TNFSF4: variants seen among roughly 807,000 people sequenced by gnomAD.
TNFSF4 encodes the protein TNF superfamily member 4.
Under a neutral mutation model 7.3 loss-of-function variants are expected in TNFSF4, and 4 were observed. The ratio of observed to expected loss-of-function variants is 0.55; its 90% confidence interval spans 0.27 to 1.25. The LOEUF (loss-of-function observed/expected upper bound fraction) is 1.25, where lower values mean the gene tolerates loss of function less well. Among genes scored for constraint, TNFSF4 ranks in the 50% most tolerant of loss-of-function variants. The probability of loss-of-function intolerance (pLI) is 0.12; values close to 1 mark genes in which losing one functional copy is unlikely to be tolerated. For missense variants in TNFSF4, 181 were observed against 208.8 expected (o/e 0.87, Z 0.82); for synonymous variants, 76 against 83.7 (o/e 0.91, Z 0.50).
rs1244065868 is a variant in TNFSF4, at chr1:173,184,490, C to T, written c.*2026G>A. ...CGAGTGAGCACCTAAGAGAGGGGAC[C>T]ATGACATCAAAGACAAACAACACAC... On this transcript the variant is annotated 3_prime_UTR_variant, in exon 3 of 3. Transcript: ENST00000281834. 1 of 151,888 alleles carries T rather than the reference C, an allele frequency of 6.6e-6. No individual in the cohort carries two copies. Among genetic ancestry groups the T allele is most frequent in the Non-Finnish European group, 1.5e-5 (1 of 67,982 alleles). 9.4% of individuals were successfully genotyped at this position (151,888 alleles called of 1,614,324 possible).
At chr1:173,271,829 C>G in the TNFSF4 span, among the ~76,000 whole-genome samples, 1 of 152,082 alleles carries the variant, frequency 6.6e-6, no homozygotes, top group Non-Finnish European at 1.5e-5. Context: ...ACCAGTTGAC[C>G]CAGCCATCCC....
chr1:173,238,447 G>T, the TNFSF4 span, among the ~76,000 whole-genome samples: 1 of 151,970 alleles, frequency 6.6e-6, no homozygotes, highest in African/African-American at 2.4e-5. Context: ...CACAACAAAA[G>T]AAACTGTCAG....
chr1:173,388,404 G>A, the TNFSF4 span, among the ~76,000 whole-genome samples: 1 of 152,240 alleles, frequency 6.6e-6, no homozygotes, highest in East Asian at 1.9e-4. Context: ...AATTCAAACA[G>A]ATTTTATAGC....
chr1:173,254,173 T>G, the TNFSF4 span, among the ~76,000 whole-genome samples: 1 of 152,226 alleles, frequency 6.6e-6, no homozygotes, highest in Admixed American at 6.5e-5. Context: ...TTGTGCCTGA[T>G]AGAGATCTTT....
chr1:173,429,410 T>C, the TNFSF4 span, among the ~76,000 whole-genome samples: 1 of 152,100 alleles, frequency 6.6e-6, no homozygotes, highest in East Asian at 1.9e-4. Context: ...ATCTGTTAGG[T>C]GCTAAATAAG....
At chr1:173,443,805 C>A in the TNFSF4 span, among the ~76,000 whole-genome samples, 2 of 152,206 alleles carry the variant, frequency 1.3e-5, no homozygotes, top group Non-Finnish European at 2.9e-5. Context: ...GTTCCCAACA[C>A]AAGGCACTGT....
the TNFSF4 span, among the ~76,000 whole-genome samples, chr1:173,296,010 G>A: frequency 2.0e-5 from 3 of 151,984 alleles, no homozygotes; most frequent in Non-Finnish European, 2.9e-5. Context: ...TGAAATCTAT[G>A]CATAGTTTTT....
At chr1:173,283,526 CT>C in the TNFSF4 span, among the ~76,000 whole-genome samples, 1 of 152,140 alleles carries the variant, frequency 6.6e-6, no homozygotes, top group African/African-American at 2.4e-5. Flanking sequence ...TGGAAATCCT[CT>C]CTAGAGAAGA....
intron 1 of TNFSF4, among the ~76,000 whole-genome samples, chr1:173,201,488 G>T (rs1649941620): frequency 1.3e-5 from 2 of 152,164 alleles, no homozygotes; most frequent in Non-Finnish European, 2.9e-5. Flanking sequence ...ACGGAAGCAT[G>T]TTCATGGATA....
At chr1:173,195,766 C>T (rs1486464854) in intron 1 of TNFSF4, among the ~76,000 whole-genome samples, 2 of 152,322 alleles carry the variant, frequency 1.3e-5, no homozygotes, top group East Asian at 1.9e-4. Context: ...CTCACTATAC[C>T]GGCCTTGCCA....
At chr1:173,394,233 A>C in the TNFSF4 span, among the ~76,000 whole-genome samples, 1 of 151,716 alleles carries the variant, frequency 6.6e-6, no homozygotes, top group African/African-American at 2.4e-5. Flanking sequence ...AAAAAAAAAA[A>C]AAAAACTAAC....
At chr1:173,177,340 G>A in the TNFSF4 span, among the ~76,000 whole-genome samples, 94 of 152,086 alleles carry the variant, frequency 6.2e-4, no homozygotes, top group Non-Finnish European at 6.0e-4. Context: ...ACTAATGCAG[G>A]AACAGAAAGC....
At chr1:173,352,881 C>T in the TNFSF4 span, among the ~76,000 whole-genome samples, 1 of 152,168 alleles carries the variant, frequency 6.6e-6, no homozygotes, top group Non-Finnish European at 1.5e-5. Flanking sequence ...AGGCCTCCTC[C>T]TGGGAATGCA....
At chr1:173,364,770 T>C in the TNFSF4 span, among the ~76,000 whole-genome samples, 3 of 152,116 alleles carry the variant, frequency 2.0e-5, no homozygotes, top group South Asian at 6.2e-4. Flanking sequence ...ACATCACTAT[T>C]ATACCACTAA....
chr1:173,349,366 C>G, the TNFSF4 span, among the ~76,000 whole-genome samples: 1 of 152,182 alleles, frequency 6.6e-6, no homozygotes, highest in Non-Finnish European at 1.5e-5. Context: ...CAACAGAACT[C>G]TGCCCCATAT....
At chr1:173,257,517 T>C in the TNFSF4 span, among the ~76,000 whole-genome samples, 3 of 152,224 alleles carry the variant, frequency 2.0e-5, no homozygotes. Flanking sequence ...GTTACAAATT[T>C]TAGGGTTTCC....
the TNFSF4 span, among the ~76,000 whole-genome samples, chr1:173,224,862 A>G: frequency 1.0e-3 from 157 of 152,304 alleles, 3 homozygotes; most frequent in South Asian, 0.031. Flanking sequence ...GCTCCAGTCA[A>G]GCCTGTCCTC....
chr1:173,325,555 C>T, the TNFSF4 span, among the ~76,000 whole-genome samples: 3 of 151,770 alleles, frequency 2.0e-5, no homozygotes, highest in Non-Finnish European at 4.4e-5. Flanking sequence ...AAAAACCCTT[C>T]AAAAAATCAA....
the TNFSF4 span, among the ~76,000 whole-genome samples, chr1:173,399,564 A>T: frequency 6.6e-6 from 1 of 152,258 alleles, no homozygotes; most frequent in African/African-American, 2.4e-5. Context: ...ATTGATGACA[A>T]AGAAATTTAA....
Sources: gnomAD v4.1 joint callset for allele counts (sites outside exome capture counted in the v4.1 genomes callset) on GRCh38, gnomAD v4.1.1 for gene constraint, MANE v1.5 for transcripts, NCBI Gene and HGNC (gene_info 2026-07-23, HGNC 2026-07-21) for gene names.